The following AK4 variants were observed in gnomAD, a reference collection of about 807,000 sequenced individuals.
AK4 encodes the protein adenylate kinase 4, mitochondrial.
In AK4, 13 loss-of-function variants were observed where a neutral mutation model predicts 24.6. The observed-to-expected ratio is 0.53, with a 90% confidence interval of 0.34 to 0.84. AK4 has a LOEUF of 0.84. AK4 is among the 40% of genes least tolerant of loss of function. The probability of loss-of-function intolerance (pLI) is 0.01; values close to 1 mark genes in which losing one functional copy is unlikely to be tolerated. For synonymous variants in AK4, 88 were observed against 107.0 expected (o/e 0.82, Z 1.10); for missense variants, 192 against 288.2 (o/e 0.67, Z 2.42).
At chr1:65,196,975 T>C (rs1003262695) in intron 2 of AK4, among the ~76,000 whole-genome samples, 1 of 152,152 alleles carries the variant, frequency 6.6e-6, no homozygotes, top group Non-Finnish European at 1.5e-5. Flanking sequence ...AGAGACAGCT[T>C]GGCAGGGAAA....
intron 2 of AK4, among the ~76,000 whole-genome samples, chr1:65,191,277 G>T (rs548108333): frequency 6.6e-6 from 1 of 152,274 alleles, no homozygotes; most frequent in African/African-American, 2.4e-5. Context: ...AGCAACCTTT[G>T]TAGAGCAGTT....
At chr1:65,152,364 A>G (rs973051561) in intron 1 of AK4, among the ~76,000 whole-genome samples, 1 of 37,526 alleles carries the variant, frequency 2.7e-5, no homozygotes, top group Non-Finnish European at 5.4e-5. Flanking sequence ...CTCTCTCTAT[A>G]TATATATATA....
intron 3 of AK4, among the ~76,000 whole-genome samples, chr1:65,219,565 GT>G (rs1473893630): frequency 1.3e-5 from 2 of 152,162 alleles, no homozygotes; most frequent in African/African-American, 4.8e-5. Flanking sequence ...AATATAGTCA[GT>G]AAAAAGAATG....
chr1:65,162,208 C>T (rs934250829), intron 1 of AK4, among the ~76,000 whole-genome samples: 6 of 152,100 alleles, frequency 3.9e-5, no homozygotes, highest in East Asian at 1.9e-4. Context: ...GTCACACCAC[C>T]GCACTCTAGC....
chr1:65,224,600 T>C, intron 3 of AK4, 152 bp from the exon 4 acceptor site: 1 of 632,518 alleles, frequency 1.6e-6, no homozygotes, highest in East Asian at 2.7e-5. Flanking sequence ...TATTTCTTTT[T>C]CTACTACTCT....
chr1:65,213,113 G>A (rs1652021753), intron 2 of AK4, among the ~76,000 whole-genome samples: 1 of 152,160 alleles, frequency 6.6e-6, no homozygotes. Flanking sequence ...CTTAGTTACA[G>A]TTAACACAGC....
intron 3 of AK4, among the ~76,000 whole-genome samples, chr1:65,221,468 G>C (rs1276660851): frequency 2.0e-5 from 3 of 152,270 alleles, no homozygotes; most frequent in Middle Eastern, 3.4e-3. Flanking sequence ...AGGCTTGTTG[G>C]CCTGGGAGGT....
chr1:65,164,783 A>G (rs1650278027), intron 1 of AK4, among the ~76,000 whole-genome samples: 1 of 152,148 alleles, frequency 6.6e-6, no homozygotes, highest in Non-Finnish European at 1.5e-5. Flanking sequence ...TTTGTTGCTT[A>G]TGCTTTTGGT....
intron 1 of AK4, among the ~76,000 whole-genome samples, chr1:65,149,730 A>C (rs998269883): frequency 6.6e-6 from 1 of 152,232 alleles, no homozygotes. Context: ...TCTCTTAAGC[A>C]GATTGAAAAA....
intron 1 of AK4, among the ~76,000 whole-genome samples, chr1:65,162,595 C>G (rs1156663908): frequency 7.9e-5 from 12 of 151,936 alleles, no homozygotes; most frequent in African/African-American, 2.9e-4. Flanking sequence ...GTAATCCCAG[C>G]ACTTTGGGAG....
chr1:65,173,788 G>A (rs11208601), intron 1 of AK4, among the ~76,000 whole-genome samples: 3 of 152,042 alleles, frequency 2.0e-5, no homozygotes, highest in South Asian at 2.1e-4. Context: ...CCCTAAACCC[G>A]GGAAGCTGAG....
At chr1:65,218,459 A>G (rs970462129) in intron 2 of AK4, among the ~76,000 whole-genome samples, 6 of 152,256 alleles carry the variant, frequency 3.9e-5, no homozygotes, top group African/African-American at 9.6e-5. Flanking sequence ...GCTAGGTTAT[A>G]GAATAGCATA....
intron 2 of AK4, among the ~76,000 whole-genome samples, chr1:65,195,075 G>T (rs1651425222): frequency 6.6e-6 from 1 of 152,200 alleles, no homozygotes; most frequent in African/African-American, 2.4e-5. Context: ...AGTTCTGGAG[G>T]CAGGGAAGAG....
At chr1:65,151,489 G>A (rs567989076) in intron 1 of AK4, among the ~76,000 whole-genome samples, 117 of 152,116 alleles carry the variant, frequency 7.7e-4, no homozygotes, top group African/African-American at 2.3e-3. Flanking sequence ...CAAACTCTTG[G>A]CTCAGTCTCC....
chr1:65,161,995 C>T (rs942472590), intron 1 of AK4, among the ~76,000 whole-genome samples: 2 of 152,126 alleles, frequency 1.3e-5, no homozygotes, highest in African/African-American at 2.4e-5. Context: ...CACCTGTAAT[C>T]CCAGCACTTT....
chr1:65,202,889 T>A (rs968816359), intron 2 of AK4, among the ~76,000 whole-genome samples: 1 of 133,166 alleles, frequency 7.5e-6, no homozygotes, highest in East Asian at 2.4e-4. Flanking sequence ...TTTTTTTTTT[T>A]AAGATGGGGT....
chr1:65,201,613 CTCATAG>C (rs1651665143), intron 2 of AK4, among the ~76,000 whole-genome samples: 1 of 152,150 alleles, frequency 6.6e-6, no homozygotes, highest in South Asian at 2.1e-4. Flanking sequence ...GCTTCCTGAC[CTCATAG>C]TCCAGGAGTG....
At chr1:65,184,109 A>G (rs577065620) in intron 1 of AK4, among the ~76,000 whole-genome samples, 1 of 152,330 alleles carries the variant, frequency 6.6e-6, no homozygotes, top group South Asian at 2.1e-4. Context: ...AATTGAAAAT[A>G]TATATTTCTC....
chr1:65,176,068 G>T (rs1054747060), intron 1 of AK4, among the ~76,000 whole-genome samples: 4 of 152,038 alleles, frequency 2.6e-5, no homozygotes, highest in Non-Finnish European at 5.9e-5. Context: ...TTAAAAGAAG[G>T]TTACTGTACT....
Sources: gnomAD v4.1 joint callset for allele counts (sites outside exome capture counted in the v4.1 genomes callset) on GRCh38, gnomAD v4.1.1 for gene constraint, MANE v1.5 for transcripts, NCBI Gene and HGNC (gene_info 2026-07-23, HGNC 2026-07-21) for gene names.